SLC38A11: variants seen among roughly 807,000 people sequenced by gnomAD.
The protein encoded by SLC38A11 is putative sodium-coupled neutral amino acid transporter 11.
A neutral mutation model predicts 49.4 loss-of-function variants in SLC38A11; 51 were observed. The ratio of observed to expected loss-of-function variants is 1.03; its 90% CI spans 0.83 to 1.30. The LOEUF (loss-of-function observed/expected upper bound fraction) is 1.30. SLC38A11 is among the 50% of genes most tolerant of loss of function. SLC38A11 has a pLI of 0.00. For synonymous variants in SLC38A11, 203 were observed against 192.9 expected (o/e 1.05, Z -0.43); for missense variants, 574 against 556.2 (o/e 1.03, Z -0.32).
At chr2:164,951,178 T>G (rs1688498994) in intron 3 of SLC38A11, among the ~76,000 whole-genome samples, 2 of 152,212 alleles carry the variant, frequency 1.3e-5, no homozygotes, top group African/African-American at 4.8e-5. Context: ...TACTGTTCAT[T>G]CTCATCAAGT....
At chr2:164,947,974 A>T (rs1223756551) in intron 3 of SLC38A11, among the ~76,000 whole-genome samples, 2 of 152,136 alleles carry the variant, frequency 1.3e-5, no homozygotes, top group African/African-American at 4.8e-5. Context: ...AGACATTCTC[A>T]ACATTCTCCC....
intron 1 of SLC38A11, 126 bp downstream of exon 1, chr2:164,955,083 T>G: frequency 1.2e-6 from 1 of 857,044 alleles, no homozygotes; most frequent in Middle Eastern, 2.3e-4. Context: ...CAAAACTTTT[T>G]GTCCCAGAGA....
At chr2:164,909,656 G>T (rs181326134) in intron 10 of SLC38A11, among the ~76,000 whole-genome samples, 66 of 151,786 alleles carry the variant, frequency 4.3e-4, no homozygotes, top group African/African-American at 1.5e-3. Flanking sequence ...GCTGAGACAA[G>T]AGCGTGAAAA....
intron 9 of SLC38A11, 135 bp from the exon 10 acceptor site, chr2:164,911,883 T>C (rs942414489): frequency 3.9e-6 from 2 of 514,816 alleles, no homozygotes; most frequent in African/African-American, 3.9e-5. Flanking sequence ...GCTGTATTTT[T>C]ACTATATATT....
intron 5 of SLC38A11, among the ~76,000 whole-genome samples, chr2:164,942,203 C>T (rs959753319): frequency 4.6e-5 from 7 of 152,098 alleles, no homozygotes; most frequent in African/African-American, 1.4e-4. Context: ...AATCCCAACA[C>T]TTTGGGAGGC....
At position 164,898,690 on chromosome 2, in the gene SLC38A11, G is replaced by A. The variant is rs562909459; in HGVS notation, c.1136C>T (p.Ser379Leu). The A allele has an allele frequency of 6.2e-7, 1 of 1,613,252 alleles. No individual in the cohort carries two copies. Among genetic ancestry groups the A allele is most frequent in the African/African-American group, 1.3e-5 (1 of 74,870 alleles). The change falls in exon 12 of 12, where the codon TCA becomes TTA. Residue 379 changes from serine (S) to leucine (L), a missense_variant. Coordinates refer to ENST00000685975, the MANE Select transcript of SLC38A11 (RefSeq NM_001351537.2). ...CATPLIFIIPSACYLKLSEEP... is the reference protein window; with the variant it reads ...CATPLIFIIPLACYLKLSEEP... Reference sequence around the variant, plus strand: ...TTCAGACAGTTTCAGATAACAGGCTGATGGAATGATAAAAATGAGGGGAGT... The same window carrying A: ...TTCAGACAGTTTCAGATAACAGGCTAATGGAATGATAAAAATGAGGGGAGT...
chr2:164,929,026 A>C (rs955923703), intron 7 of SLC38A11, among the ~76,000 whole-genome samples: 1 of 152,076 alleles, frequency 6.6e-6, no homozygotes, highest in African/African-American at 2.4e-5. Flanking sequence ...ATTTTTTTAG[A>C]GCTCTTACTC....
chr2:164,937,262 G>A (rs768560544), intron 7 of SLC38A11, 88 bp downstream of exon 7: 42 of 861,964 alleles, frequency 4.9e-5, no homozygotes, highest in Non-Finnish European at 7.6e-5. Flanking sequence ...TGATACCATG[G>A]TTACTTTATA....
intron 3 of SLC38A11, among the ~76,000 whole-genome samples, chr2:164,952,269 C>T (rs1479883888): frequency 6.6e-6 from 1 of 152,116 alleles, no homozygotes; most frequent in Non-Finnish European, 1.5e-5. Context: ...GGCGGAGAGG[C>T]TTGATGAGCC....
intron 7 of SLC38A11, among the ~76,000 whole-genome samples, chr2:164,932,425 A>C (rs1687069398): frequency 6.6e-6 from 1 of 152,074 alleles, no homozygotes; most frequent in South Asian, 2.1e-4. Context: ...ATACCAAAGG[A>C]ATATAGATGG....
At chr2:164,901,937 C>T (rs1684678108) in intron 11 of SLC38A11, among the ~76,000 whole-genome samples, 1 of 151,790 alleles carries the variant, frequency 6.6e-6, no homozygotes, top group Non-Finnish European at 1.5e-5. Context: ...TCTCTCTAAA[C>T]TGTTAAAAGA....
chr2:164,954,556 A>G (rs370996866), intron 2 of SLC38A11, 75 bp downstream of exon 2: 4 of 587,704 alleles, frequency 6.8e-6, no homozygotes, highest in Non-Finnish European at 8.5e-6. Context: ...AAAATAATTA[A>G]TGAACACTAG....
rs374787013 is a variant in SLC38A11, at chr2:164,901,383, G to T, written c.1096-2653C>A. ...TTAACAATATTAATTCCATCCACAGGATATCTTTCCATTTATTTATATGTT... is the reference window on the plus strand; with the variant it reads ...TTAACAATATTAATTCCATCCACAGTATATCTTTCCATTTATTTATATGTT... On this transcript the variant is annotated intron_variant, in intron 11 of 11. Transcript: ENST00000685975. Among the ~76,000 whole-genome samples the T allele has an allele frequency of 2.2e-4, 33 of 151,950 alleles. No homozygotes were observed. In the East Asian group the frequency reaches 3.3e-3, roughly 15 times the overall value.
At position 164,894,654 on chromosome 2, in the gene SLC38A11, C is replaced by A. The variant is rs552295472; in HGVS notation, c.*3783G>T. On this transcript the variant is annotated 3_prime_UTR_variant, in exon 12 of 12. Coordinates refer to ENST00000685975, the MANE Select transcript of SLC38A11 (RefSeq NM_001351537.2). ...CTCAGAACCAGGCCTGCAGCTTAACCAGCATAACTGTGTTGATTTGGGGTT... is the reference window on the plus strand; with the variant it reads ...CTCAGAACCAGGCCTGCAGCTTAACAAGCATAACTGTGTTGATTTGGGGTT... 8.3e-4 allele frequency among the ~76,000 whole-genome samples: 126 copies of A among 152,214 alleles called. No individual in the cohort carries two copies. Among genetic ancestry groups the A allele is most frequent in the African/African-American group, 2.4e-3 (101 of 41,540 alleles).
chr2:164,915,387 T>C (rs1573912116), intron 8 of SLC38A11, 114 bp from the exon 9 acceptor site: 2 of 850,482 alleles, frequency 2.4e-6, no homozygotes, highest in East Asian at 5.5e-5. Flanking sequence ...AGTTTAAACA[T>C]ACAACTTTAT....
chr2:164,932,228 A>G (rs1687056308), intron 7 of SLC38A11, among the ~76,000 whole-genome samples: 1 of 152,304 alleles, frequency 6.6e-6, no homozygotes, highest in Admixed American at 6.5e-5. Context: ...CACACTAGTC[A>G]CAATGGCTAT....
chr2:164,917,649 T>C (rs964025744), intron 7 of SLC38A11, among the ~76,000 whole-genome samples: 3 of 152,236 alleles, frequency 2.0e-5, no homozygotes, highest in Non-Finnish European at 4.4e-5. Context: ...GAGGATTCTC[T>C]AACTTTGCAA....
intron 2 of SLC38A11, among the ~76,000 whole-genome samples, chr2:164,953,468 A>G (rs899100765): frequency 5.3e-5 from 8 of 152,206 alleles, no homozygotes; most frequent in South Asian, 2.1e-4. Flanking sequence ...ACTGTTTAGC[A>G]TTGCTGACAC....
chr2:164,944,774 G>A, intron 4 of SLC38A11, 140 bp from the exon 5 acceptor site: 1 of 370,758 alleles, frequency 2.7e-6, no homozygotes, highest in Non-Finnish European at 5.0e-6. Context: ...TACCAGTTTG[G>A]ACAACTTTAA....
Sources: gnomAD v4.1 joint callset for allele counts (sites outside exome capture counted in the v4.1 genomes callset) on GRCh38, gnomAD v4.1.1 for gene constraint, MANE v1.5 for transcripts, NCBI Gene and HGNC (gene_info 2026-07-23, HGNC 2026-07-21) for gene names.